NCKAP5: variants seen among roughly 807,000 people sequenced by gnomAD.
NCKAP5 encodes the protein NCK associated protein 5.
Under a neutral mutation model 167.0 loss-of-function variants are expected in NCKAP5, and 92 were observed. The ratio of observed to expected loss-of-function variants is 0.55; its 90% CI spans 0.47 to 0.66. The LOEUF (loss-of-function observed/expected upper bound fraction) is 0.66, where lower values mean the gene tolerates loss of function less well. Ranked by LOEUF, NCKAP5 falls within the 30% of genes least tolerant of loss-of-function variation. The pLI is 0.00. For missense variants in NCKAP5, 2,378 were observed against 2,315.0 expected (o/e 1.03, Z -0.56); for synonymous variants, 891 against 877.4 (o/e 1.02, Z -0.27).
rs192652152 is a variant in NCKAP5, at chr2:133,078,639, G to A, written c.341+51339C>T. Among the ~76,000 whole-genome samples, 13 of 152,232 alleles carry A rather than the reference G, an allele frequency of 8.5e-5. No homozygotes were observed. In the East Asian group the frequency reaches 2.5e-3, roughly 30 times the overall value. ...ACCCTCACCAAGACAAGGAGAATGA[G>A]ACAGGCCTCATGCTCCCCATTTATA... On this transcript the variant is annotated intron_variant, in intron 6 of 19. Coordinates refer to ENST00000409261, the MANE Select transcript of NCKAP5 (RefSeq NM_207363.3).
Position 132,807,862 on chromosome 2 carries a change from T to A in NCKAP5, c.808-11133A>T, listed in dbSNP as rs533799810. Among the ~76,000 whole-genome samples the A allele has an allele frequency of 3.8e-4, 58 of 152,282 alleles. 1 individual carries two copies. The highest frequency in any genetic ancestry group is 3.4e-3 in the Admixed American group (52 of 15,284). On this transcript the variant is annotated intron_variant, in intron 11 of 19. Transcript: ENST00000409261. ...TCTTAGAGGGAATGATTTCAACTTT[T>A]CCCCATTTAGTATTATGTTGGCTGT...
chr2:133,473,968 T>C (rs1220345918), intron 3 of NCKAP5, among the ~76,000 whole-genome samples: 1 of 152,188 alleles, frequency 6.6e-6, no homozygotes, highest in Non-Finnish European at 1.5e-5. Context: ...AATGGGTACA[T>C]ATCCAAAGGA....
At chr2:133,206,202 T>G (rs1167605361) in intron 5 of NCKAP5, among the ~76,000 whole-genome samples, 2 of 152,162 alleles carry the variant, frequency 1.3e-5, no homozygotes, top group Non-Finnish European at 2.9e-5. Context: ...CTTTATCAAT[T>G]TAAGGAAATT....
At chr2:133,649,715 C>G in the NCKAP5 span, among the ~76,000 whole-genome samples, 1 of 151,982 alleles carries the variant, frequency 6.6e-6, no homozygotes, top group Admixed American at 6.6e-5. Context: ...CTCTCAATGA[C>G]TGGAAATAGA....
At chr2:132,920,346 CA>C (rs1390024652) in intron 8 of NCKAP5, among the ~76,000 whole-genome samples, 1 of 151,936 alleles carries the variant, frequency 6.6e-6, no homozygotes, top group African/African-American at 2.4e-5. Context: ...GCTGTTTGCT[CA>C]TTTTGCTTTC....
chr2:132,994,352 ATC>A (rs2077530600), intron 6 of NCKAP5, 113 bp from the exon 7 acceptor site: 1 of 721,590 alleles, frequency 1.4e-6, no homozygotes, highest in Non-Finnish European at 2.2e-6. Context: ...CAACCTGGAA[ATC>A]TCTTTTCTCT....
intron 5 of NCKAP5, among the ~76,000 whole-genome samples, chr2:133,160,149 T>C (rs572821483): frequency 1.3e-5 from 2 of 152,286 alleles, no homozygotes; most frequent in South Asian, 4.1e-4. Flanking sequence ...TATCTCACAG[T>C]CCTGGAGGCC....
chr2:132,692,490 A>T (rs1417974893), intron 19 of NCKAP5, among the ~76,000 whole-genome samples: 1 of 152,052 alleles, frequency 6.6e-6, no homozygotes, highest in Admixed American at 6.6e-5. Context: ...TACCTTCCAT[A>T]TTAAAATATA....
intron 19 of NCKAP5, among the ~76,000 whole-genome samples, chr2:132,680,912 T>G (rs1685137485): frequency 6.6e-6 from 1 of 152,194 alleles, no homozygotes; most frequent in African/African-American, 2.4e-5. Flanking sequence ...GATTTTCTGT[T>G]TTCCAGGGGG....
At chr2:132,721,020 A>AAC (rs1689869657) in intron 19 of NCKAP5, among the ~76,000 whole-genome samples, 1 of 151,306 alleles carries the variant, frequency 6.6e-6, no homozygotes, top group African/African-American at 2.4e-5. Context: ...TCTCAAAAAA[A>AAC]AAAAAAATGC....
chr2:133,554,343 G>A (rs191047479), intron 2 of NCKAP5: 4 of 152,154 alleles, frequency 2.6e-5, no homozygotes, highest in South Asian at 2.1e-4. Flanking sequence ...GGAGGGAATC[G>A]TACAATGGGG....
intron 3 of NCKAP5, among the ~76,000 whole-genome samples, chr2:133,409,089 T>C (rs1012102270): frequency 1.1e-4 from 16 of 152,258 alleles, no homozygotes; most frequent in Admixed American, 3.9e-4. Context: ...GCTGAAGTGC[T>C]GTGAACCAAT....
At position 133,412,638 on chromosome 2, in the gene NCKAP5, G is replaced by C. The variant is rs139158205; in HGVS notation, c.69+104820C>G. Among the ~76,000 whole-genome samples the C allele has an allele frequency of 1.8e-3, 272 of 152,286 alleles. 1 individual carries two copies. The highest frequency in any genetic ancestry group is 6.3e-3 in the African/African-American group (263 of 41,558). ...GACAAAATCAATTAACTGGACAAAAGTGAAGACCTTAACTTTTTCCTGTAA... is the reference window on the plus strand; with the variant it reads ...GACAAAATCAATTAACTGGACAAAACTGAAGACCTTAACTTTTTCCTGTAA... On this transcript the variant is annotated intron_variant, in intron 3 of 19. Transcript: ENST00000409261.
chr2:133,250,146 T>C (rs2088234533), intron 4 of NCKAP5, among the ~76,000 whole-genome samples: 1 of 151,824 alleles, frequency 6.6e-6, no homozygotes, highest in African/African-American at 2.4e-5. Flanking sequence ...GGAGAAACAA[T>C]GGGTCCAAGC....
At chr2:133,155,667 T>C (rs538847297) in intron 5 of NCKAP5, among the ~76,000 whole-genome samples, 1 of 152,336 alleles carries the variant, frequency 6.6e-6, no homozygotes, top group African/African-American at 2.4e-5. Context: ...AGTAGACTTG[T>C]AGACTTTGAG....
intron 3 of NCKAP5, among the ~76,000 whole-genome samples, chr2:133,402,374 A>T (rs35851672): frequency 0.23 from 35,275 of 152,082 alleles, 4,114 homozygotes; most frequent in East Asian, 0.28. Context: ...TGATAAAGAA[A>T]ACTTACTTTC....
chr2:133,397,513 C>G (rs1046659793), intron 3 of NCKAP5, among the ~76,000 whole-genome samples: 7 of 152,110 alleles, frequency 4.6e-5, no homozygotes, highest in Admixed American at 3.3e-4. Context: ...TTCTCATTGA[C>G]CTGGTGTCCA....
chr2:133,225,331 A>C (rs1000832109), intron 4 of NCKAP5, among the ~76,000 whole-genome samples: 6 of 152,182 alleles, frequency 3.9e-5, no homozygotes, highest in African/African-American at 1.4e-4. Flanking sequence ...CTTACATGAC[A>C]ACTAATTTAG....
At chr2:132,707,639 C>T (rs1558950198) in intron 19 of NCKAP5, among the ~76,000 whole-genome samples, 1 of 152,172 alleles carries the variant, frequency 6.6e-6, no homozygotes, top group African/African-American at 2.4e-5. Flanking sequence ...CTGTTCTAGG[C>T]ACTGGTGATG....
Sources: gnomAD v4.1 joint callset for allele counts (sites outside exome capture counted in the v4.1 genomes callset) on GRCh38, gnomAD v4.1.1 for gene constraint, MANE v1.5 for transcripts, NCBI Gene and HGNC (gene_info 2026-07-23, HGNC 2026-07-21) for gene names.